TCF4: variants seen among roughly 807,000 people sequenced by gnomAD.
TCF4 encodes the protein transcription factor 4.
Under a neutral mutation model 82.1 loss-of-function variants are expected in TCF4, and 3 were observed. The ratio of observed to expected loss-of-function variants is 0.04; its 90% confidence interval spans 0.02 to 0.09. The LOEUF is 0.09. TCF4 is among the 10% of genes least tolerant of loss of function. TCF4 has a pLI of 1.00. For synonymous variants in TCF4, 276 were observed against 309.6 expected (o/e 0.89, Z 1.14); for missense variants, 518 against 852.7 (o/e 0.61, Z 4.89).
intron 3 of TCF4, among the ~76,000 whole-genome samples, chr18:55,512,527 T>C (rs1603618022): frequency 6.6e-6 from 1 of 152,182 alleles, no homozygotes; most frequent in East Asian, 1.9e-4. Flanking sequence ...TAGGTGTGTG[T>C]GTCTATGCAT....
At chr18:55,302,477 A>C (rs1255454727) in intron 8 of TCF4, 7 of 1,536,144 alleles carry the variant, frequency 4.6e-6, no homozygotes, top group Non-Finnish European at 6.1e-6. Flanking sequence ...GCATTGTTTA[A>C]ATTTCATCCT....
chr18:55,423,285 G>T (rs770558468), intron 5 of TCF4, among the ~76,000 whole-genome samples: 2 of 152,076 alleles, frequency 1.3e-5, no homozygotes, highest in African/African-American at 4.8e-5. Context: ...CCTCACTGCA[G>T]TAAGAGTCAC....
intron 2 of TCF4, among the ~76,000 whole-genome samples, chr18:55,598,939 C>T (rs746356731): frequency 3.9e-5 from 6 of 152,314 alleles, no homozygotes; most frequent in Non-Finnish European, 5.9e-5. Context: ...TGCCTCTAGA[C>T]GGAGATAGCT....
At chr18:55,596,642 C>T (rs373950589) in intron 2 of TCF4, among the ~76,000 whole-genome samples, 15 of 152,172 alleles carry the variant, frequency 9.9e-5, no homozygotes, top group African/African-American at 3.4e-4. Flanking sequence ...TCAGATGTGC[C>T]TGAGAAGAAC....
chr18:55,244,047 T>C (rs2052229467), intron 15 of TCF4, among the ~76,000 whole-genome samples: 1 of 152,134 alleles, frequency 6.6e-6, no homozygotes, highest in Admixed American at 6.5e-5. Flanking sequence ...TTTCTTCTAG[T>C]TCTTAAAAAA....
At chr18:55,388,493 G>GAT (rs2092789389) in intron 6 of TCF4, among the ~76,000 whole-genome samples, 1 of 152,244 alleles carries the variant, frequency 6.6e-6, no homozygotes. Flanking sequence ...CAATGCTCCT[G>GAT]ATATACAGAT....
Position 55,225,016 on chromosome 18 carries a change from T to TA in TCF4, c.*3018dup, listed in dbSNP as rs2046409060. 1 of 152,200 alleles carries TA rather than the reference T, an allele frequency of 6.6e-6. No homozygotes were observed. The highest frequency in any genetic ancestry group is 1.5e-5 in the Non-Finnish European group (1 of 68,020). 9.4% of individuals were successfully genotyped at this position (152,200 alleles called of 1,614,324 possible). A position where few individuals can be genotyped will look rare whatever the true frequency, so the allele number is the denominator to read the frequency against. On this transcript the variant is annotated 3_prime_UTR_variant, in exon 20 of 20. Transcript: ENST00000354452. ...AATCCAGTGCAGGATACCAATATCT[T>TA]ACCTGGGTTTGATAATTACAAAACA...
At chr18:55,373,745 G>A (rs1334998437) in intron 6 of TCF4, among the ~76,000 whole-genome samples, 4 of 151,916 alleles carry the variant, frequency 2.6e-5, no homozygotes, top group Non-Finnish European at 4.4e-5. Flanking sequence ...ACCGGGAGCC[G>A]GAGGTTGCAC....
chr18:55,387,730 G>A (rs79029056), intron 6 of TCF4, among the ~76,000 whole-genome samples: 7 of 152,262 alleles, frequency 4.6e-5, no homozygotes, highest in Non-Finnish European at 7.4e-5. Flanking sequence ...ACAAGCAAAC[G>A]ACACCCTCTG....
At chr18:55,349,656 A>G (rs990808604) in intron 8 of TCF4, among the ~76,000 whole-genome samples, 7 of 152,080 alleles carry the variant, frequency 4.6e-5, no homozygotes, top group African/African-American at 1.7e-4. Flanking sequence ...CCTAAATAAA[A>G]TTAAATACAA....
chr18:55,528,886 A>T (rs2146665149), intron 3 of TCF4, among the ~76,000 whole-genome samples: 1 of 152,328 alleles, frequency 6.6e-6, no homozygotes, highest in South Asian at 2.1e-4. Context: ...CAACAACAAC[A>T]AAAGACCTTG....
At chr18:55,293,931 C>CTTTT (rs781150808) in intron 8 of TCF4, among the ~76,000 whole-genome samples, 2,562 of 39,954 alleles carry the variant, frequency 0.064, 849 homozygotes, top group Admixed American at 0.1. Flanking sequence ...TTTCCAAGGA[C>CTTTT]TTTTTTTTTT....
At chr18:55,511,986 T>G (rs1027860521) in intron 3 of TCF4, among the ~76,000 whole-genome samples, 3 of 152,168 alleles carry the variant, frequency 2.0e-5, no homozygotes, top group African/African-American at 7.2e-5. Context: ...CACCTTATTT[T>G]ACACATGTAA....
intron 6 of TCF4, among the ~76,000 whole-genome samples, chr18:55,385,683 G>C (rs2092531212): frequency 6.6e-6 from 1 of 152,226 alleles, no homozygotes; most frequent in Non-Finnish European, 1.5e-5. Flanking sequence ...TTATAGGCAT[G>C]AGCCACCGCG....
intron 9 of TCF4, among the ~76,000 whole-genome samples, chr18:55,277,702 A>G (rs114024173): frequency 0.012 from 1,840 of 151,644 alleles, 36 homozygotes; most frequent in African/African-American, 0.042. Context: ...GCCTACTGAT[A>G]TAATCTACCT....
intron 3 of TCF4, among the ~76,000 whole-genome samples, chr18:55,580,071 C>A (rs1038282890): frequency 6.6e-6 from 1 of 151,986 alleles, no homozygotes; most frequent in African/African-American, 2.4e-5. Flanking sequence ...CTGATGCTGT[C>A]AAAAATGTTA....
At chr18:55,420,566 G>C (rs79145400) in intron 5 of TCF4, among the ~76,000 whole-genome samples, 1 of 146,788 alleles carries the variant, frequency 6.8e-6, no homozygotes, top group African/African-American at 2.4e-5. Flanking sequence ...CCAGGATTCC[G>C]GGGGCTAATA....
chr18:55,259,969 C>T lies in TCF4; in HGVS notation c.1049G>A (p.Gly350Asp), dbSNP rs776516959. The change falls in exon 13 of 20, where the codon GGC becomes GAC. Residue 350 changes from glycine to aspartate, a missense_variant. Gly to Asp is a moderately conservative substitution (Grantham distance 94). Around this residue, in one of 7 missense-constraint regions of TCF4, gnomAD observed 211 missense variants for 327.4 expected, o/e 0.64. Transcript: ENST00000354452. ...ACTACCTGAGAGAGATGGAGGAGAG[C>T]CAACAGGAGTTGAAGGGTTTGATGA... ...SFSSNPSTPV[G>D]SPPSLSAGTA... The T allele has an allele frequency of 6.2e-7, 1 of 1,612,806 alleles. No homozygotes were observed. Among genetic ancestry groups the T allele is most frequent in the Non-Finnish European group, 8.5e-7 (1 of 1,179,268 alleles).
chr18:55,632,231 G>C (rs2148006318), intron 1 of TCF4, among the ~76,000 whole-genome samples: 1 of 152,208 alleles, frequency 6.6e-6, no homozygotes, highest in South Asian at 2.1e-4. Flanking sequence ...GTAGAGACGG[G>C]GTTTCACCAT....
Sources: gnomAD v4.1 joint callset for allele counts (sites outside exome capture counted in the v4.1 genomes callset) on GRCh38, gnomAD v4.1.1 for gene constraint, gnomAD v4.1.1 regional missense constraint, MANE v1.5 for transcripts, NCBI Gene and HGNC (gene_info 2026-07-23, HGNC 2026-07-21) for gene names.